The following DIS3L2 variants were observed in gnomAD, a reference collection of about 807,000 sequenced individuals.
The protein encoded by DIS3L2 is DIS3-like exonuclease 2.
DIS3L2 carries 34 observed loss-of-function variants against 97.5 expected under a neutral mutation model. The observed-to-expected ratio is 0.35, with a 90% CI of 0.27 to 0.46. The LOEUF (loss-of-function observed/expected upper bound fraction) is 0.46. Ranked by LOEUF, DIS3L2 falls within the 20% of genes least tolerant of loss-of-function variation. DIS3L2 has a pLI of 1.00. For missense variants in DIS3L2, 1,038 were observed against 1,146.0 expected, an observed-to-expected ratio of 0.91 and a Z score of 1.36; for synonymous variants, 435 against 445.2, an observed-to-expected ratio of 0.98 and a Z score of 0.29.
intron 5 of DIS3L2, among the ~76,000 whole-genome samples, chr2:232,082,885 A>T (rs1696446453): frequency 6.6e-6 from 1 of 152,186 alleles, no homozygotes. Flanking sequence ...CAAAAGAAAG[A>T]GGTTAATGGA....
intron 5 of DIS3L2, among the ~76,000 whole-genome samples, chr2:232,081,425 T>C (rs1162107511): frequency 6.6e-6 from 1 of 152,154 alleles, no homozygotes; most frequent in Non-Finnish European, 1.5e-5. Flanking sequence ...TTAGCAACCA[T>C]TGATGACCAT....
rs1364699175 is a variant in DIS3L2 at position 232,325,651 on chromosome 2, C to T, written c.1740-4162C>T. On this transcript the variant is annotated intron_variant, in intron 14 of 20. Transcript: ENST00000325385. This position sits in a 1 kb window ranked among gnomAD's most constrained non-coding sequence, Gnocchi z 4.6. ...GGGCCCTGGTGGTGCAGGTTCCAGA[C>T]GCTTGGCTGATGCCAGGCCTGGATC... Among the ~76,000 whole-genome samples the T allele has an allele frequency of 5.9e-5, 9 of 152,198 alleles. No individual in the cohort carries two copies. Among genetic ancestry groups the T allele is most frequent in the Admixed American group, 4.6e-4 (7 of 15,284 alleles).
At chr2:232,223,180 C>A (rs1178682765) in intron 10 of DIS3L2, among the ~76,000 whole-genome samples, 3 of 152,172 alleles carry the variant, frequency 2.0e-5, no homozygotes, top group African/African-American at 7.2e-5. Flanking sequence ...GTCAGGCATC[C>A]TCAAGTATCT....
chr2:232,202,138 G>A (rs550166258), intron 9 of DIS3L2, among the ~76,000 whole-genome samples: 22 of 152,286 alleles, frequency 1.4e-4, no homozygotes, highest in African/African-American at 4.6e-4. Context: ...GATGGCTCAC[G>A]CCTGTAATCC....
intron 8 of DIS3L2, among the ~76,000 whole-genome samples, chr2:232,144,213 CTT>C: frequency 6.6e-6 from 1 of 152,086 alleles, no homozygotes. Flanking sequence ...ACATGTTTAA[CTT>C]TACAACTTTC....
chr2:232,132,398 C>A (rs1698245888), intron 7 of DIS3L2, among the ~76,000 whole-genome samples: 1 of 152,142 alleles, frequency 6.6e-6, no homozygotes, highest in Non-Finnish European at 1.5e-5. Context: ...ATGGCATAGA[C>A]CTATTTTTTC....
At position 232,323,968 on chromosome 2, in the gene DIS3L2, G is replaced by T. The variant is rs556188146; in HGVS notation, c.1740-5845G>T. Among the ~76,000 whole-genome samples the T allele has an allele frequency of 6.0e-4, 91 of 152,214 alleles. No individual in the cohort carries two copies. In the Middle Eastern group the frequency reaches 0.02, roughly 34 times the overall value. Reference sequence around the variant, plus strand: ...TGGCCTGGAACAGAGCTGCCACCAAGATCTCTTCCACTTTCCCTCCCCAGC... The same window carrying T: ...TGGCCTGGAACAGAGCTGCCACCAATATCTCTTCCACTTTCCCTCCCCAGC... On this transcript the variant is annotated intron_variant, in intron 14 of 20. Coordinates refer to ENST00000325385, the MANE Select transcript of DIS3L2 (RefSeq NM_152383.5).
chr2:232,257,618 G>C (rs1388107248), intron 12 of DIS3L2, among the ~76,000 whole-genome samples: 1 of 152,200 alleles, frequency 6.6e-6, no homozygotes, highest in Non-Finnish European at 1.5e-5. Flanking sequence ...CGGAGCTCCT[G>C]CAAAAGTGAT....
intron 14 of DIS3L2, among the ~76,000 whole-genome samples, chr2:232,304,105 G>A (rs1417324865): frequency 6.6e-6 from 1 of 151,918 alleles, no homozygotes; most frequent in Non-Finnish European, 1.5e-5. Flanking sequence ...TGCATCTGGA[G>A]GTGTGAGGCC....
At chr2:232,204,147 G>A (rs995163430) in intron 9 of DIS3L2, among the ~76,000 whole-genome samples, 1 of 152,114 alleles carries the variant, frequency 6.6e-6, no homozygotes, top group Non-Finnish European at 1.5e-5. Flanking sequence ...TGTGGTAGGG[G>A]CCATGACCAA....
chr2:232,333,758 T>TTG, intron 16 of DIS3L2, 82 bp from the exon 17 acceptor site: 43 of 1,401,608 alleles, frequency 3.1e-5, no homozygotes, highest in Admixed American at 2.3e-4. Context: ...CTGCCGACGG[T>TTG]GAGGCTGTGG....
chr2:232,260,147 G>GA (rs1232228715), intron 12 of DIS3L2: 1 of 152,294 alleles, frequency 6.6e-6, no homozygotes, highest in Non-Finnish European at 1.5e-5. Flanking sequence ...GAATAGAACT[G>GA]AAACTGACGT....
intron 6 of DIS3L2, among the ~76,000 whole-genome samples, chr2:232,097,664 G>T (rs1697061935): frequency 6.6e-6 from 1 of 152,114 alleles, no homozygotes; most frequent in Non-Finnish European, 1.5e-5. Context: ...TCTGGCCCAG[G>T]GCAGGTCCAG....
intron 6 of DIS3L2, among the ~76,000 whole-genome samples, chr2:232,094,583 T>C (rs933547538): frequency 1.3e-5 from 2 of 151,686 alleles, no homozygotes; most frequent in African/African-American, 4.8e-5. Flanking sequence ...CCAGTCATGG[T>C]GGTGCGCACC....
chr2:232,188,933 G>T (rs755244486), intron 9 of DIS3L2, among the ~76,000 whole-genome samples: 1 of 151,902 alleles, frequency 6.6e-6, no homozygotes, highest in Non-Finnish European at 1.5e-5. Context: ...CACTGAAGAG[G>T]ATATACAAAT....
chr2:232,106,588 G>A (rs1452354415), intron 6 of DIS3L2, among the ~76,000 whole-genome samples: 1 of 152,190 alleles, frequency 6.6e-6, no homozygotes, highest in Admixed American at 6.5e-5. Flanking sequence ...CAATACAGGA[G>A]CACCCAGATT....
chr2:232,288,412 AC>A (rs1197759909), intron 13 of DIS3L2, among the ~76,000 whole-genome samples: 2 of 152,202 alleles, frequency 1.3e-5, no homozygotes, highest in Admixed American at 6.5e-5. Flanking sequence ...CTTCCAGCAA[AC>A]CTAGAAAGTG....
intron 1 of DIS3L2, among the ~76,000 whole-genome samples, chr2:231,974,184 T>C (rs1024783400): frequency 1.3e-5 from 2 of 151,816 alleles, no homozygotes; most frequent in African/African-American, 4.8e-5. Flanking sequence ...GACAAGGGGG[T>C]GTGCTTGTCT....
intron 5 of DIS3L2, among the ~76,000 whole-genome samples, chr2:232,056,705 C>T (rs1431129951): frequency 6.6e-6 from 1 of 152,168 alleles, no homozygotes; most frequent in African/African-American, 2.4e-5. Context: ...ATCAGGGAAA[C>T]ACAAATCAAA....
Sources: gnomAD v4.1 joint callset for allele counts (sites outside exome capture counted in the v4.1 genomes callset) on GRCh38, gnomAD v4.1.1 for gene constraint, Gnocchi (gnomAD v3.1) non-coding constraint, MANE v1.5 for transcripts, NCBI Gene and HGNC (gene_info 2026-07-23, HGNC 2026-07-21) for gene names.